PRDM11: variants seen among roughly 807,000 people sequenced by gnomAD.
PRDM11 encodes the protein PR domain-containing protein 11.
Under a neutral mutation model 97.8 loss-of-function variants are expected in PRDM11, and 20 were observed. The observed-to-expected ratio is 0.20, with a 90% confidence interval of 0.14 to 0.30. The LOEUF (loss-of-function observed/expected upper bound fraction) is 0.30, where lower values mean the gene tolerates loss of function less well. Ranked by LOEUF, PRDM11 falls within the 10% of genes least tolerant of loss-of-function variation. PRDM11 has a pLI of 1.00. For missense variants in PRDM11, 1,139 were observed against 1,555.2 expected (o/e 0.73, Z 4.50); for synonymous variants, 599 against 637.7 (o/e 0.94, Z 0.91).
chr11:45,233,426 A>G lies in PRDM11; in HGVS notation c.*5267A>G, dbSNP rs1854438872. The G allele has an allele frequency of 6.7e-6, 1 of 149,940 alleles. No individual in the cohort carries two copies. The highest frequency in any genetic ancestry group is 2.5e-5 in the African/African-American group (1 of 40,640). 9.3% of individuals were successfully genotyped at this position (149,940 alleles called of 1,614,324 possible). ...GTGCCCCCTACCTCTCCCCACCCCC[A>G]CAGCCCACGCTTAGGCGGTCACTGC... On this transcript the variant is annotated 3_prime_UTR_variant, in exon 8 of 8. Transcript: ENST00000683152.
chr11:45,208,411 G>A (rs1263454035), intron 5 of PRDM11, among the ~76,000 whole-genome samples: 1 of 152,200 alleles, frequency 6.6e-6, no homozygotes, highest in Non-Finnish European at 1.5e-5. Flanking sequence ...TAGGGCTGTA[G>A]GTAAATATCG....
intron 1 of PRDM11, among the ~76,000 whole-genome samples, chr11:45,179,631 G>T (rs1488155609): frequency 1.3e-5 from 2 of 152,192 alleles, no homozygotes; most frequent in Non-Finnish European, 2.9e-5. Context: ...CCTCATGGTG[G>T]AGAGGGCCCT....
chr11:45,128,211 A>C (rs1852627734), intron 1 of PRDM11, among the ~76,000 whole-genome samples: 1 of 152,182 alleles, frequency 6.6e-6, no homozygotes, highest in South Asian at 2.1e-4. Flanking sequence ...GTGCAGTATT[A>C]GGGTGGGAGT....
chr11:45,146,953 G>A (rs1460027106), intron 1 of PRDM11, 76 bp downstream of exon 1: 1 of 146,228 alleles, frequency 6.8e-6, no homozygotes, highest in Non-Finnish European at 1.5e-5. Context: ...CAGCGAGCGC[G>A]GGGGCCGCCG....
chr11:45,159,291 C>T (rs1851876761), intron 1 of PRDM11, among the ~76,000 whole-genome samples: 1 of 152,240 alleles, frequency 6.6e-6, no homozygotes. Context: ...TCCTTCCTGG[C>T]TGCCCTGGGC....
chr11:45,170,342 C>CAA (rs57905590), intron 1 of PRDM11, among the ~76,000 whole-genome samples: 278 of 145,488 alleles, frequency 1.9e-3, no homozygotes, highest in Non-Finnish European at 2.9e-3. Flanking sequence ...GACACTGTCT[C>CAA]AAAAAAAAAA....
chr11:45,221,720 G>T (rs1173792332), intron 6 of PRDM11, among the ~76,000 whole-genome samples: 3 of 152,172 alleles, frequency 2.0e-5, no homozygotes, highest in Non-Finnish European at 2.9e-5. Context: ...AGGGAAGAGG[G>T]TCTATTCCTG....
chr11:45,211,117 C>T lies in PRDM11; in HGVS notation c.554+6339C>T, dbSNP rs530820359. On this transcript the variant is annotated intron_variant, in intron 5 of 7. Transcript: ENST00000683152. The stretch of plus-strand genomic sequence containing the variant: ...GCCAGGGGCTTGGCAGAACGGGGAC[C>T]TGGGAGGGAAGGAGCAGCATCACCT... 7.9e-4 allele frequency among the ~76,000 whole-genome samples: 120 copies of T among 152,298 alleles called. No individual in the cohort carries two copies. In the Middle Eastern group the frequency reaches 0.01, roughly 13 times the overall value.
chr11:45,147,144 C>T (rs1386832258), intron 1 of PRDM11, among the ~76,000 whole-genome samples: 2 of 151,618 alleles, frequency 1.3e-5, no homozygotes, highest in Non-Finnish European at 2.9e-5. Context: ...CCCTCCGCCT[C>T]CTTCCTCCCA....
chr11:45,145,417 G>A (rs1244271864), upstream of PRDM11, among the ~76,000 whole-genome samples: 2 of 151,316 alleles, frequency 1.3e-5, no homozygotes, highest in Non-Finnish European at 3.0e-5. Context: ...GACCATGAAC[G>A]CCCATCTGAC....
At chr11:45,161,631 CCT>C (rs1851930258) in intron 1 of PRDM11, among the ~76,000 whole-genome samples, 1 of 152,238 alleles carries the variant, frequency 6.6e-6, no homozygotes, top group Non-Finnish European at 1.5e-5. Context: ...CAGCCTTTCC[CCT>C]GAGAGTCCCG....
intron 1 of PRDM11, among the ~76,000 whole-genome samples, chr11:45,161,298 G>A (rs1851921924): frequency 6.6e-6 from 1 of 152,240 alleles, no homozygotes; most frequent in Non-Finnish European, 1.5e-5. Context: ...GGGGGCCTGT[G>A]CTCCCAGAGG....
intron 1 of PRDM11, among the ~76,000 whole-genome samples, chr11:45,161,123 T>C (rs572224732): frequency 7.8e-6 from 1 of 127,928 alleles, no homozygotes; most frequent in Admixed American, 7.4e-5. Context: ...CTCTGTCCAA[T>C]AGAGATAACA....
intron 5 of PRDM11, chr11:45,209,242 G>A (rs1303183141): frequency 5.0e-6 from 2 of 396,462 alleles, no homozygotes; most frequent in Non-Finnish European, 1.0e-5. Context: ...GCCCGTGCAG[G>A]GCGCGGCTTC....
rs892495194 is a variant in PRDM11, at chr11:45,226,711, G to A, written c.2086G>A (p.Glu696Lys). The stretch of plus-strand genomic sequence containing the variant: ...GGCCACAGAGTTCCTGTCCCTGCAG[G>A]AGCTGGGATTCTCTAGCACAGAAAG... ...PPATEFLSLQ[E>K]LGFSSTESYL... Residue 696 changes from glutamate (E) to lysine (K), a missense_variant, in exon 8 of 8, where the codon GAG (glutamate) becomes AAG (lysine). By Grantham distance (56) the Glu-to-Lys change is moderately conservative. This residue lies in a region of PRDM11 where 710 missense variants were observed against 1,044.9 expected (regional missense o/e 0.68). Transcript: ENST00000683152. 6.5e-7 allele frequency: 1 copy of A among 1,533,978 alleles called. No individual in the cohort carries two copies. The highest frequency in any genetic ancestry group is 8.7e-7 in the Non-Finnish European group (1 of 1,146,736).
intron 7 of PRDM11, 116 bp downstream of exon 7, chr11:45,224,959 G>A (rs764676582): frequency 2.3e-5 from 36 of 1,563,540 alleles, no homozygotes; most frequent in East Asian, 2.0e-4. Context: ...GGAGTGTAAC[G>A]TGGAGGCGGC....
At chr11:45,160,085 G>A (rs1173960947) in intron 1 of PRDM11, among the ~76,000 whole-genome samples, 2 of 152,152 alleles carry the variant, frequency 1.3e-5, no homozygotes, top group Non-Finnish European at 2.9e-5. Flanking sequence ...CTCTTGATGC[G>A]AGTAGAGAGA....
In PRDM11 at chr11:45,231,734, C is replaced by A. The variant is rs1364331913; in HGVS notation, c.*3575C>A. ...GAAAAAATCCACTGCCATCTAGTAT[C>A]TGTGAAACATGAGGACAGCGCAGTC... On this transcript the variant is annotated 3_prime_UTR_variant, in exon 8 of 8. Coordinates refer to ENST00000683152, the MANE Select transcript of PRDM11 (RefSeq NM_001384648.1). The A allele has an allele frequency of 1.3e-5, 2 of 151,644 alleles. No individual in the cohort carries two copies. Among genetic ancestry groups the A allele is most frequent in the East Asian group, 3.9e-4 (2 of 5,190 alleles). 9.4% of individuals were successfully genotyped at this position (151,644 alleles called of 1,614,324 possible). A position where few individuals can be genotyped will look rare whatever the true frequency, so the allele number is the denominator to read the frequency against.
Position 45,176,696 on chromosome 11 carries a change from T to G in PRDM11, c.-6-5065T>G, listed in dbSNP as rs531262179. ...TAAATACATTTATCTTTTGTGTTCA[T>G]CACAAAAGTATTCATTTGCAAATCT... On this transcript the variant is annotated intron_variant, in intron 1 of 7. Coordinates refer to ENST00000683152, the MANE Select transcript of PRDM11 (RefSeq NM_001384648.1). Among the ~76,000 whole-genome samples, 21 of 152,352 alleles carry G rather than the reference T, an allele frequency of 1.4e-4. No homozygotes were observed. In the East Asian group the frequency reaches 4.0e-3, roughly 29 times the overall value.
Sources: gnomAD v4.1 joint callset for allele counts (sites outside exome capture counted in the v4.1 genomes callset) on GRCh38, gnomAD v4.1.1 for gene constraint, gnomAD v4.1.1 regional missense constraint, MANE v1.5 for transcripts, NCBI Gene and HGNC (gene_info 2026-07-23, HGNC 2026-07-21) for gene names.